The following SLCO2B1 variants were observed in gnomAD, a reference collection of about 807,000 sequenced individuals.
SLCO2B1 encodes the protein solute carrier organic anion transporter family member 2B1.
SLCO2B1 carries 41 observed loss-of-function variants against 67.3 expected under a neutral mutation model. The ratio of observed to expected loss-of-function variants is 0.61; its 90% confidence interval spans 0.47 to 0.79. The LOEUF (loss-of-function observed/expected upper bound fraction) is 0.79. Ranked by LOEUF, SLCO2B1 falls within the 30% of genes least tolerant of loss-of-function variation. SLCO2B1 has a pLI of 0.00. For synonymous variants in SLCO2B1, 379 were observed against 381.4 expected, an observed-to-expected ratio of 0.99 and a Z score of 0.07; for missense variants, 837 against 920.1, an observed-to-expected ratio of 0.91 and a Z score of 1.17.
chr11:75,154,404 G>C (rs1405103488), intron 1 of SLCO2B1, among the ~76,000 whole-genome samples: 1 of 152,104 alleles, frequency 6.6e-6, no homozygotes, highest in East Asian at 1.9e-4. Context: ...GGAGGCTGAG[G>C]CAGGAGAATT....
intron 9 of SLCO2B1, 89 bp from the exon 10 acceptor site, chr11:75,196,425 T>C (rs745517112): frequency 1.3e-4 from 177 of 1,344,064 alleles, no homozygotes; most frequent in Non-Finnish European, 1.8e-4. Context: ...TCTCTGGCCA[T>C]TGCTCTCGGC....
At chr11:75,194,815 C>A (rs1181652174) in intron 9 of SLCO2B1, among the ~76,000 whole-genome samples, 1 of 152,210 alleles carries the variant, frequency 6.6e-6, no homozygotes, top group Non-Finnish European at 1.5e-5. Context: ...CCCCATCTCT[C>A]TTTTCTTCTC....
intron 1 of SLCO2B1, among the ~76,000 whole-genome samples, chr11:75,156,147 A>AGAT (rs1275042821): frequency 2.0e-5 from 3 of 152,224 alleles, no homozygotes; most frequent in Admixed American, 1.3e-4. Context: ...AGGCTAAATC[A>AGAT]GATGTCTTAG....
At position 75,203,350 on chromosome 11, in the gene SLCO2B1, C is replaced by T. The variant is rs373367462; in HGVS notation, c.1872C>T (p.Thr624=). 1 of 1,614,044 alleles carries T rather than the reference C, an allele frequency of 6.2e-7. No individual in the cohort carries two copies. Among genetic ancestry groups the T allele is most frequent in the Non-Finnish European group, 8.5e-7 (1 of 1,180,024 alleles). ...SPVIHGSAID[T]TCVHWALSCG... is the part of the protein sequence containing the mutation. ...TGATCCACGGCAGCGCCATCGACAC[C>T]ACCTGTGTGCACTGGGCCCTGAGCT... Residue 624 remains threonine, a synonymous_variant, in exon 13 of 14, where the codon ACC becomes ACT. Transcript: ENST00000289575.
chr11:75,203,561 C>A, intron 13 of SLCO2B1, 134 bp downstream of exon 13: 2 of 1,118,096 alleles, frequency 1.8e-6, no homozygotes, highest in Non-Finnish European at 1.3e-6. Flanking sequence ...ATATTCAGTG[C>A]TGAGCTCACC....
chr11:75,162,579 C>G, intron 1 of SLCO2B1, 76 bp from the exon 2 acceptor site: 2 of 1,494,270 alleles, frequency 1.3e-6, no homozygotes, highest in Non-Finnish European at 1.8e-6. Context: ...GTTCTGAGGT[C>G]TAGGGCTATC....
At chr11:75,156,494 A>T (rs1949747554) in intron 1 of SLCO2B1, among the ~76,000 whole-genome samples, 1 of 152,038 alleles carries the variant, frequency 6.6e-6, no homozygotes, top group Non-Finnish European at 1.5e-5. Flanking sequence ...TGTGGCCTTG[A>T]AGTTGTCTGC....
At position 75,188,252 on chromosome 11, in the gene SLCO2B1, G is replaced by C; in HGVS notation, c.1075+14G>C. 6.3e-7 allele frequency: 1 copy of C among 1,591,380 alleles called. No individual in the cohort carries two copies. On this transcript the variant is annotated intron_variant, in intron 8 of 13. Transcript: ENST00000289575. ...AGTTCATTAAAGGTAAGTCAGCTCA[G>C]ACCAGGTTATGGGGAGCCAGGGCCA...
At chr11:75,152,619 C>G (rs1453141313) in intron 1 of SLCO2B1, 1 of 152,408 alleles carries the variant, frequency 6.6e-6, no homozygotes, top group Non-Finnish European at 1.5e-5. Context: ...GGATGGAGAG[C>G]GGGGAGTGTG....
intron 7 of SLCO2B1, among the ~76,000 whole-genome samples, chr11:75,179,475 AC>A (rs1950069092): frequency 1.3e-5 from 2 of 149,552 alleles, no homozygotes; most frequent in African/African-American, 2.5e-5. Context: ...CAAGTGATCC[AC>A]CCCCCTCAGC....
intron 7 of SLCO2B1, among the ~76,000 whole-genome samples, chr11:75,179,079 A>C (rs919575253): frequency 1.5e-4 from 23 of 152,126 alleles, no homozygotes; most frequent in Admixed American, 1.0e-3. Context: ...TAAGCGTGAG[A>C]GTGCAGATCT....
intron 8 of SLCO2B1, among the ~76,000 whole-genome samples, chr11:75,190,009 C>A (rs1303148440): frequency 5.3e-5 from 8 of 151,528 alleles, no homozygotes. Flanking sequence ...AGTAATCTAG[C>A]CCCCAGTTTT....
At chr11:75,191,393 C>T (rs141242514) in intron 8 of SLCO2B1, among the ~76,000 whole-genome samples, 2 of 152,290 alleles carry the variant, frequency 1.3e-5, no homozygotes, top group African/African-American at 2.4e-5. Flanking sequence ...GGGGTCAGAG[C>T]GAGCCTCATA....
Position 75,204,722 on chromosome 11 carries a change from T to C in SLCO2B1, c.*142T>C, listed in dbSNP as rs76476318. 18 of 669,644 alleles carry C rather than the reference T, an allele frequency of 2.7e-5. No homozygotes were observed. The African/African-American group carries it at 2.8e-4, about 10-fold the overall frequency. The allele number at this position is 669,644 out of a possible 1,614,324, so 41.5% of individuals were successfully genotyped here. A position where few individuals can be genotyped will look rare whatever the true frequency, so the allele number is the denominator to read the frequency against. On this transcript the variant is annotated 3_prime_UTR_variant, in exon 14 of 14. Coordinates refer to ENST00000289575, the MANE Select transcript of SLCO2B1 (RefSeq NM_007256.5). Reference sequence around the variant, plus strand: ...TTGCTGTGTGACTTCAGGCAAGACATTGATCCTCTCTCAGCCTTTGCTTGC... The same window carrying C: ...TTGCTGTGTGACTTCAGGCAAGACACTGATCCTCTCTCAGCCTTTGCTTGC...
intron 2 of SLCO2B1, among the ~76,000 whole-genome samples, chr11:75,163,518 A>G (rs1949848869): frequency 6.6e-6 from 1 of 152,000 alleles, no homozygotes; most frequent in South Asian, 2.1e-4. Context: ...GAGGGGCAGG[A>G]TGGTGGAACT....
At chr11:75,195,535 C>A (rs1016518951) in intron 9 of SLCO2B1, among the ~76,000 whole-genome samples, 3 of 152,050 alleles carry the variant, frequency 2.0e-5, no homozygotes, top group Non-Finnish European at 4.4e-5. Flanking sequence ...TGCCCCACTT[C>A]CCCACTCCAC....
intron 7 of SLCO2B1, among the ~76,000 whole-genome samples, chr11:75,185,421 G>A (rs890644691): frequency 2.6e-5 from 4 of 151,440 alleles, no homozygotes; most frequent in Admixed American, 6.6e-5. Flanking sequence ...CCTTGCCTGC[G>A]CACCACTCCT....
intron 7 of SLCO2B1, among the ~76,000 whole-genome samples, chr11:75,185,501 C>CT (rs11381669): frequency 0.86 from 91,879 of 106,342 alleles, 40,637 homozygotes; most frequent in South Asian, 0.96. Flanking sequence ...GTATAAGTCT[C>CT]TTTTTTTTTT....
chr11:75,198,579 G>T (rs1297412125), intron 10 of SLCO2B1, among the ~76,000 whole-genome samples: 1 of 152,230 alleles, frequency 6.6e-6, no homozygotes, highest in African/African-American at 2.4e-5. Context: ...TAGGCACCAA[G>T]GCCCTGGCCT....
Sources: allele counts gnomAD v4.1 joint callset (sites outside exome capture counted in the v4.1 genomes callset), GRCh38; gene constraint gnomAD v4.1.1; transcripts MANE v1.5; gene names NCBI Gene and HGNC (gene_info 2026-07-23, HGNC 2026-07-21).